The following NRXN3 variants were observed in gnomAD, a reference collection of about 807,000 sequenced individuals.
The protein encoded by NRXN3 is neurexin III.
NRXN3 carries 32 observed loss-of-function variants against 137.6 expected under a neutral mutation model. The observed-to-expected ratio is 0.23, with a 90% CI of 0.18 to 0.31. The LOEUF is 0.31. Ranked by LOEUF, NRXN3 falls within the 10% of genes least tolerant of loss-of-function variation. NRXN3 has a pLI of 1.00. For synonymous variants in NRXN3, 798 were observed against 784.5 expected, an observed-to-expected ratio of 1.02 and a Z score of -0.29; for missense variants, 1,574 against 2,062.5, an observed-to-expected ratio of 0.76 and a Z score of 4.59.
intron 17 of NRXN3, 31 bp downstream of exon 17, chr14:79,663,980 T>A: frequency 6.2e-7 from 1 of 1,604,386 alleles, no homozygotes. Flanking sequence ...GGTCCTACTC[T>A]TTTTGACTCT....
chr14:78,701,844 G>A (rs1428109589), intron 6 of NRXN3, among the ~76,000 whole-genome samples: 1 of 152,202 alleles, frequency 6.6e-6, no homozygotes, highest in African/African-American at 2.4e-5. Context: ...CTCAGTTCCA[G>A]TTTTCTATTT....
chr14:78,579,939 C>T (rs563072544), intron 4 of NRXN3, among the ~76,000 whole-genome samples: 3 of 152,138 alleles, frequency 2.0e-5, no homozygotes, highest in Non-Finnish European at 4.4e-5. Flanking sequence ...TCGAAAATTA[C>T]AGTAATAATT....
At chr14:79,361,542 C>T (rs1462133748) in intron 15 of NRXN3, among the ~76,000 whole-genome samples, 1 of 152,006 alleles carries the variant, frequency 6.6e-6, no homozygotes, top group Admixed American at 6.6e-5. Flanking sequence ...CATGGTGACA[C>T]CCCGTCTCTA....
chr14:79,261,461 A>G (rs1269023842), intron 15 of NRXN3, among the ~76,000 whole-genome samples: 1 of 152,100 alleles, frequency 6.6e-6, no homozygotes, highest in African/African-American at 2.4e-5. Context: ...TGACTTGAAG[A>G]TGAGGGGACG....
intron 15 of NRXN3, among the ~76,000 whole-genome samples, chr14:79,445,305 A>C (rs1374547091): frequency 6.6e-6 from 1 of 151,284 alleles, no homozygotes; most frequent in Non-Finnish European, 1.5e-5. Flanking sequence ...ACGCCACTGC[A>C]CTCCAGCCTG....
At chr14:78,694,057 A>G (rs2098200789) in intron 6 of NRXN3, among the ~76,000 whole-genome samples, 1 of 151,940 alleles carries the variant, frequency 6.6e-6, no homozygotes, top group Non-Finnish European at 1.5e-5. Flanking sequence ...GTCTCACCTT[A>G]GTACTCCATC....
intron 6 of NRXN3, among the ~76,000 whole-genome samples, chr14:78,680,339 C>T (rs979068105): frequency 5.9e-5 from 9 of 152,040 alleles, no homozygotes; most frequent in African/African-American, 2.2e-4. Context: ...ACAAGTTTAC[C>T]TACGTAACAA....
intron 14 of NRXN3, among the ~76,000 whole-genome samples, chr14:78,984,710 C>G (rs1285763614): frequency 6.6e-6 from 1 of 152,196 alleles, no homozygotes; most frequent in African/African-American, 2.4e-5. Flanking sequence ...GGTCTGGGTA[C>G]AGCCTTAAAG....
intron 15 of NRXN3, among the ~76,000 whole-genome samples, chr14:79,398,366 A>G (rs1198253018): frequency 6.6e-6 from 1 of 152,230 alleles, no homozygotes; most frequent in African/African-American, 2.4e-5. Flanking sequence ...CAATGAATTT[A>G]TAGAGGAGGA....
intron 16 of NRXN3, among the ~76,000 whole-genome samples, chr14:79,524,853 T>C (rs2097103589): frequency 6.6e-6 from 1 of 152,162 alleles, no homozygotes; most frequent in Non-Finnish European, 1.5e-5. Flanking sequence ...TGTGTAGAAA[T>C]ATGATTGGAC....
intron 6 of NRXN3, among the ~76,000 whole-genome samples, chr14:78,657,442 C>A (rs1184325133): frequency 1.3e-5 from 2 of 152,182 alleles, no homozygotes; most frequent in East Asian, 3.9e-4. Flanking sequence ...AGCGAAAGTG[C>A]CACTGAGACC....
chr14:79,510,702 C>T (rs1400469868), intron 16 of NRXN3, among the ~76,000 whole-genome samples: 2 of 152,186 alleles, frequency 1.3e-5, no homozygotes, highest in African/African-American at 4.8e-5. Flanking sequence ...TCTCCAATGC[C>T]TTGACTCTGC....
At chr14:79,402,211 C>T (rs1337264724) in intron 15 of NRXN3, among the ~76,000 whole-genome samples, 6 of 152,190 alleles carry the variant, frequency 3.9e-5, no homozygotes, top group Admixed American at 2.0e-4. Flanking sequence ...GCTGGGATTA[C>T]AGGCGTGAGC....
intron 10 of NRXN3, among the ~76,000 whole-genome samples, chr14:78,899,586 G>T (rs748085237): frequency 9.2e-5 from 14 of 151,996 alleles, no homozygotes; most frequent in South Asian, 4.1e-4. Flanking sequence ...GAACTTAAGG[G>T]TTATTATGAA....
intron 16 of NRXN3, among the ~76,000 whole-genome samples, chr14:79,490,960 T>TA (rs955163258): frequency 2.1e-4 from 32 of 151,924 alleles, no homozygotes; most frequent in East Asian, 1.4e-3. Flanking sequence ...CCCACAAATT[T>TA]AAAAAAAATG....
At chr14:78,879,730 C>T (rs2099123150) in intron 10 of NRXN3, among the ~76,000 whole-genome samples, 2 of 152,188 alleles carry the variant, frequency 1.3e-5, no homozygotes, top group Admixed American at 1.3e-4. Flanking sequence ...ACTAGACACA[C>T]TCATTTACAA....
intron 10 of NRXN3, among the ~76,000 whole-genome samples, chr14:78,886,359 G>A (rs546407697): frequency 6.6e-6 from 1 of 152,148 alleles, no homozygotes; most frequent in South Asian, 2.1e-4. Flanking sequence ...CTGATACAGA[G>A]TTCAGTATAT....
At chr14:78,181,482 C>G (rs1171117160) in intron 1 of NRXN3, among the ~76,000 whole-genome samples, 1 of 152,172 alleles carries the variant, frequency 6.6e-6, no homozygotes, top group African/African-American at 2.4e-5. Context: ...CTCCTTTGCT[C>G]AGGCCTGGCT....
intron 15 of NRXN3, among the ~76,000 whole-genome samples, chr14:79,288,484 A>G (rs1566681480): frequency 6.6e-6 from 1 of 152,242 alleles, no homozygotes; most frequent in African/African-American, 2.4e-5. Context: ...CAAATGCTTT[A>G]CATATGTGAC....
Sources: gnomAD v4.1 joint callset for allele counts (sites outside exome capture counted in the v4.1 genomes callset) on GRCh38, gnomAD v4.1.1 for gene constraint, MANE v1.5 for transcripts, NCBI Gene and HGNC (gene_info 2026-07-23, HGNC 2026-07-21) for gene names.